The following NHSL3 variants were observed in gnomAD, a reference collection of about 807,000 sequenced individuals.
NHSL3 encodes NHS-like protein 3.
the NHSL3 span, among the ~76,000 whole-genome samples, chr1:32,760,588 GTTTTT>G: frequency 1.1e-4 from 15 of 138,716 alleles, no homozygotes; most frequent in Non-Finnish European, 1.7e-4. Context: ...GTGTGTGTGT[GTTTTT>G]TTTTTTTTTT....
the NHSL3 span, chr1:32,773,425 T>C: frequency 6.2e-6 from 1 of 160,678 alleles, no homozygotes; most frequent in Non-Finnish European, 1.4e-5. Flanking sequence ...CAGTCCAGTT[T>C]ACTCCTCTTG....
the NHSL3 span, among the ~76,000 whole-genome samples, chr1:32,762,467 CT>C: frequency 1.8e-3 from 252 of 142,124 alleles, no homozygotes; most frequent in African/African-American, 2.0e-3. Context: ...TATATATTTA[CT>C]TTTTTTTTTT....
At chr1:32,766,522 C>G in the NHSL3 span, among the ~76,000 whole-genome samples, 76 of 152,164 alleles carry the variant, frequency 5.0e-4, no homozygotes, top group South Asian at 0.015. Context: ...ATCTCGGGCA[C>G]TGGTCTGGTT....
chr1:32,763,733 G>T, the NHSL3 span, among the ~76,000 whole-genome samples: 1 of 151,822 alleles, frequency 6.6e-6, no homozygotes, highest in East Asian at 1.9e-4. Context: ...CACCACGCCC[G>T]GCTAATTTTT....
At chr1:32,766,685 C>T in the NHSL3 span, among the ~76,000 whole-genome samples, 1 of 152,122 alleles carries the variant, frequency 6.6e-6, no homozygotes, top group Non-Finnish European at 1.5e-5. Context: ...CTTTAAAGGG[C>T]TTGTTTTGTT....
chr1:32,769,264 TAAA>T, the NHSL3 span, among the ~76,000 whole-genome samples: 8 of 149,468 alleles, frequency 5.4e-5, no homozygotes, highest in South Asian at 1.3e-3. Context: ...AAAAAAAAAA[TAAA>T]AAAAGAGTTA....
the NHSL3 span, among the ~76,000 whole-genome samples, chr1:32,758,716 C>T: frequency 6.6e-6 from 1 of 152,124 alleles, no homozygotes; most frequent in Non-Finnish European, 1.5e-5. Flanking sequence ...ATGGTGAGGG[C>T]TCTTTGAAGA....
At chr1:32,771,633 GTCC>G in the NHSL3 span, 3 of 1,612,684 alleles carry the variant, frequency 1.9e-6, no homozygotes, top group East Asian at 4.5e-5. Flanking sequence ...CGGCTGCTTC[GTCC>G]TCCTCAGCTA....
the NHSL3 span, among the ~76,000 whole-genome samples, chr1:32,759,734 C>A: frequency 6.6e-6 from 1 of 152,176 alleles, no homozygotes; most frequent in African/African-American, 2.4e-5. Context: ...GCCCCTCCCC[C>A]AACTGCCCTT....
At chr1:32,772,822 C>G in the NHSL3 span, 1 of 1,606,958 alleles carries the variant, frequency 6.2e-7, no homozygotes, top group Admixed American at 1.7e-5. Flanking sequence ...CAGAACCAAG[C>G]CAGGAGGCCC....
the NHSL3 span, among the ~76,000 whole-genome samples, chr1:32,743,507 C>G: frequency 6.6e-6 from 1 of 152,186 alleles, no homozygotes; most frequent in African/African-American, 2.4e-5. Context: ...GCAGTCCTAA[C>G]AGGACATGGA....
the NHSL3 span, among the ~76,000 whole-genome samples, chr1:32,762,527 A>G: frequency 6.6e-6 from 1 of 151,336 alleles, no homozygotes; most frequent in African/African-American, 2.4e-5. Context: ...CAGTGGTACA[A>G]TTATAGCTCA....
the NHSL3 span, chr1:32,770,410 T>C: frequency 1.9e-6 from 3 of 1,607,728 alleles, no homozygotes; most frequent in African/African-American, 1.3e-5. The surrounding 1 kb of genome is among the most constrained non-coding windows in gnomAD (Gnocchi z 8.3). Context: ...CCACCCATCC[T>C]CCTCCAGTGA....
At chr1:32,759,298 ATTC>A in the NHSL3 span, among the ~76,000 whole-genome samples, 1 of 152,130 alleles carries the variant, frequency 6.6e-6, no homozygotes, top group Non-Finnish European at 1.5e-5. Context: ...AGACCTCCTG[ATTC>A]CCAGCTCTTT....
chr1:32,746,246 AAC>A, the NHSL3 span, among the ~76,000 whole-genome samples: 1 of 149,768 alleles, frequency 6.7e-6, no homozygotes, highest in Non-Finnish European at 1.5e-5. Flanking sequence ...AAAAAAAAAA[AAC>A]AAAAAAGAAC....
the NHSL3 span, among the ~76,000 whole-genome samples, chr1:32,750,931 C>T: frequency 6.6e-5 from 10 of 152,130 alleles, no homozygotes; most frequent in Non-Finnish European, 1.3e-4. Context: ...CCTGCCTCAG[C>T]CTCCCAAGTA....
chr1:32,768,148 CTT>C, the NHSL3 span: 4 of 1,403,600 alleles, frequency 2.8e-6, no homozygotes, highest in Admixed American at 5.1e-5. Flanking sequence ...AGTCCTGACT[CTT>C]CTCTACCTGC....
At chr1:32,766,877 C>G in the NHSL3 span, among the ~76,000 whole-genome samples, 1 of 152,208 alleles carries the variant, frequency 6.6e-6, no homozygotes, top group African/African-American at 2.4e-5. Flanking sequence ...TGTAATGGAT[C>G]CCTGGCTCCT....
the NHSL3 span, chr1:32,772,306 C>T: frequency 6.2e-7 from 1 of 1,606,198 alleles, no homozygotes; most frequent in Non-Finnish European, 8.5e-7. Flanking sequence ...CAGTTACCCT[C>T]GAGCTGAGCC....
Sources: gnomAD v4.1 joint callset for allele counts (sites outside exome capture counted in the v4.1 genomes callset) on GRCh38, gnomAD v4.1.1 for gene constraint, Gnocchi (gnomAD v3.1) non-coding constraint, MANE v1.5 for transcripts, NCBI Gene and HGNC (gene_info 2026-07-23, HGNC 2026-07-21) for gene names.